The following CYP2C19 variants were observed in gnomAD, a reference collection of about 807,000 sequenced individuals.
CYP2C19 encodes the protein cytochrome P450 family 2 subfamily C member 19, also known as cytochrome P450 2C19.
A neutral mutation model predicts 40.9 loss-of-function variants in CYP2C19; 59 were observed. That is an observed-to-expected ratio of 1.44 (90% CI 1.17 to 1.79). The LOEUF (loss-of-function observed/expected upper bound fraction) is 1.79. Among genes scored for constraint, CYP2C19 ranks in the 40% most tolerant of loss-of-function variants. The pLI, the probability that CYP2C19 is intolerant of heterozygous loss-of-function variation, is 0.00. For synonymous variants in CYP2C19, 253 were observed against 208.7 expected (o/e 1.21, Z -1.83); for missense variants, 754 against 596.9 (o/e 1.26, Z -2.74).
At chr10:94,780,336 G>A (rs1848463467) in intron 3 of CYP2C19, among the ~76,000 whole-genome samples, 163 bp from the exon 4 acceptor site, 1 of 152,188 alleles carries the variant, frequency 6.6e-6, no homozygotes, top group South Asian at 2.1e-4. Context: ...TAATGTAAAA[G>A]TGATGTGTTG....
At chr10:94,846,644 C>G (rs1487397154) in intron 7 of CYP2C19, among the ~76,000 whole-genome samples, 1 of 151,802 alleles carries the variant, frequency 6.6e-6, no homozygotes. Context: ...TTTCATTATT[C>G]CTTCTGTATT....
intron 7 of CYP2C19, among the ~76,000 whole-genome samples, chr10:94,846,337 T>C (rs1456877919): frequency 6.6e-6 from 1 of 152,212 alleles, no homozygotes; most frequent in Non-Finnish European, 1.5e-5. Flanking sequence ...GCAAGAAAAC[T>C]ACATAGTACT....
intron 1 of CYP2C19, among the ~76,000 whole-genome samples, chr10:94,763,174 G>T (rs568249848): frequency 6.6e-6 from 1 of 152,228 alleles, no homozygotes; most frequent in African/African-American, 2.4e-5. Context: ...TTTTGGCTGA[G>T]GGTAAACAGT....
chr10:94,784,097 C>G (rs776577195), intron 5 of CYP2C19, among the ~76,000 whole-genome samples: 6 of 152,126 alleles, frequency 3.9e-5, no homozygotes, highest in Admixed American at 1.3e-4. Context: ...AACCTCTAAT[C>G]TTTTTTCTGT....
At chr10:94,848,515 G>A (rs1343495874) in intron 7 of CYP2C19, among the ~76,000 whole-genome samples, 2 of 151,852 alleles carry the variant, frequency 1.3e-5, no homozygotes, top group Non-Finnish European at 2.9e-5. Flanking sequence ...GTAGTGTGAT[G>A]CCTCCAGCTT....
intron 6 of CYP2C19, among the ~76,000 whole-genome samples, chr10:94,822,989 C>T (rs1245621388): frequency 3.3e-5 from 5 of 151,912 alleles, no homozygotes; most frequent in Admixed American, 6.6e-5. Context: ...TGTTTGAGCC[C>T]TTTAAGCTAT....
chr10:94,796,646 T>G (rs537231888), intron 5 of CYP2C19, among the ~76,000 whole-genome samples: 17 of 152,294 alleles, frequency 1.1e-4, no homozygotes, highest in Admixed American at 1.0e-3. Flanking sequence ...GTTCTTCCAT[T>G]AGTTTGTGTC....
At chr10:94,775,782 T>G in intron 3 of CYP2C19, 1 of 583,360 alleles carries the variant, frequency 1.7e-6, no homozygotes, top group Non-Finnish European at 2.9e-6. Context: ...TCTCCTGAAC[T>G]TTGCTTCTTT....
chr10:94,798,195 T>C (rs781774283), intron 5 of CYP2C19, among the ~76,000 whole-genome samples: 37 of 152,192 alleles, frequency 2.4e-4, no homozygotes, highest in Admixed American at 9.8e-4. Flanking sequence ...ATTGCATGTT[T>C]GTTCTCATTG....
intron 6 of CYP2C19, among the ~76,000 whole-genome samples, chr10:94,826,124 A>T (rs1463360369): frequency 3.9e-5 from 6 of 152,100 alleles, no homozygotes; most frequent in East Asian, 1.9e-4. Flanking sequence ...TGGCTTAGGA[A>T]TGACTTGGTG....
chr10:94,778,872 A>G (rs1848445382), intron 3 of CYP2C19, among the ~76,000 whole-genome samples: 1 of 152,210 alleles, frequency 6.6e-6, no homozygotes, highest in African/African-American at 2.4e-5. Flanking sequence ...CCAAATGCCC[A>G]TCAATGACAC....
chr10:94,799,455 T>C (rs1848734584), intron 5 of CYP2C19, among the ~76,000 whole-genome samples: 1 of 152,186 alleles, frequency 6.6e-6, no homozygotes. Flanking sequence ...CATTTCAACT[T>C]TGGTGAATCT....
chr10:94,782,131 T>C (rs1564663528), intron 5 of CYP2C19, 134 bp downstream of exon 5: 5 of 587,766 alleles, frequency 8.5e-6, no homozygotes, highest in Non-Finnish European at 1.4e-5. Context: ...TTTTATTGTA[T>C]GCATGAATAT....
At chr10:94,791,407 G>A (rs1232651649) in intron 5 of CYP2C19, among the ~76,000 whole-genome samples, 1 of 152,022 alleles carries the variant, frequency 6.6e-6, no homozygotes, top group African/African-American at 2.4e-5. Context: ...TCTTCTGCTA[G>A]CTTTTGAATA....
At position 94,853,179 on chromosome 10, in the gene CYP2C19, TAGAG is replaced by T; in HGVS notation, c.*267_*270del. The stretch of plus-strand genomic sequence containing the variant: ...GAGTTATTAACATATTATTATTAAA[TAGAG>T]AAAGATGATTTGTGTATTATAATTC... On this transcript the variant is annotated 3_prime_UTR_variant, in exon 9 of 9. Transcript: ENST00000371321. The T allele has an allele frequency of 2.2e-6, 1 of 445,846 alleles. No homozygotes were observed. Among genetic ancestry groups the T allele is most frequent in the Non-Finnish European group, 3.9e-6 (1 of 253,672 alleles). The allele number at this position is 445,846 out of a possible 1,614,324, so 27.6% of individuals were successfully genotyped here. A position where few individuals can be genotyped will look rare whatever the true frequency, so the allele number is the denominator to read the frequency against.
intron 5 of CYP2C19, among the ~76,000 whole-genome samples, 168 bp from the exon 6 acceptor site, chr10:94,820,328 C>T (rs538997071): frequency 1.3e-5 from 2 of 151,962 alleles, no homozygotes; most frequent in Non-Finnish European, 2.9e-5. Flanking sequence ...TGAAAACTGG[C>T]ACAAGACAGG....
intron 5 of CYP2C19, among the ~76,000 whole-genome samples, chr10:94,810,585 G>T (rs948461197): frequency 6.6e-6 from 1 of 151,982 alleles, no homozygotes; most frequent in Non-Finnish European, 1.5e-5. Flanking sequence ...GTCTCTTCAC[G>T]GATTGGACTT....
At chr10:94,772,063 T>C (rs576791889) in intron 1 of CYP2C19, among the ~76,000 whole-genome samples, 10 of 152,256 alleles carry the variant, frequency 6.6e-5, no homozygotes, top group African/African-American at 2.4e-4. Flanking sequence ...ATTGGGACTT[T>C]ACCTGTGTCC....
intron 6 of CYP2C19, among the ~76,000 whole-genome samples, chr10:94,822,888 T>A (rs1849151151): frequency 6.6e-6 from 1 of 152,176 alleles, no homozygotes; most frequent in Admixed American, 6.6e-5. Context: ...TTTTGAGAAG[T>A]GTCTGTTCAT....
Sources: allele counts gnomAD v4.1 joint callset (sites outside exome capture counted in the v4.1 genomes callset), GRCh38; gene constraint gnomAD v4.1.1; transcripts MANE v1.5; gene names NCBI Gene and HGNC (gene_info 2026-07-23, HGNC 2026-07-21).